SUGCT: variants seen among roughly 807,000 people sequenced by gnomAD.
SUGCT encodes the protein succinyl-CoA:glutarate-CoA transferase, also known as succinyl-CoA:glutarate CoA-transferase.
Under a neutral mutation model 55.0 loss-of-function variants are expected in SUGCT, and 41 were observed. The observed-to-expected ratio is 0.74, with a 90% CI of 0.58 to 0.97. SUGCT has a LOEUF of 0.97. Ranked by LOEUF, SUGCT falls within the 50% of genes least tolerant of loss-of-function variation. SUGCT has a pLI of 0.00. For missense variants in SUGCT, 568 were observed against 547.8 expected (o/e 1.04, Z -0.37); for synonymous variants, 187 against 200.4 (o/e 0.93, Z 0.56).
At chr7:40,793,815 A>G (rs1790429007) in intron 13 of SUGCT, among the ~76,000 whole-genome samples, 2 of 151,980 alleles carry the variant, frequency 1.3e-5, no homozygotes, top group African/African-American at 2.4e-5. Flanking sequence ...TTTAACTTTC[A>G]TATTTTTAAA....
At chr7:40,250,397 CTT>C (rs113538451) in intron 7 of SUGCT, among the ~76,000 whole-genome samples, 26 of 144,790 alleles carry the variant, frequency 1.8e-4, no homozygotes, top group Non-Finnish European at 6.1e-5. Context: ...AAGATCTTGT[CTT>C]TTTTTTTTTT....
chr7:40,900,910 A>C, the SUGCT span, among the ~76,000 whole-genome samples: 1 of 152,254 alleles, frequency 6.6e-6, no homozygotes, highest in African/African-American at 2.4e-5. Context: ...GTGCAATTCA[A>C]AATATAAGAT....
At chr7:40,608,134 G>T (rs773070747) in intron 12 of SUGCT, among the ~76,000 whole-genome samples, 1 of 152,140 alleles carries the variant, frequency 6.6e-6, no homozygotes, top group African/African-American at 2.4e-5. Flanking sequence ...ACAGCCTTTT[G>T]TTGGGATGTA....
intron 13 of SUGCT, among the ~76,000 whole-genome samples, chr7:40,765,743 C>A (rs1230984270): frequency 2.6e-5 from 4 of 152,120 alleles, no homozygotes; most frequent in African/African-American, 7.2e-5. Flanking sequence ...AACTGGAATT[C>A]ATGAGTTAAA....
In SUGCT at chr7:40,563,477, A is replaced by G. The variant is rs180895555; in HGVS notation, c.1089+67091A>G. On this transcript the variant is annotated intron_variant, in intron 12 of 13. Transcript: ENST00000335693. The stretch of plus-strand genomic sequence containing the variant: ...TCCCAGCACTTTGGGAGGCCAAGGC[A>G]GGAGGATTGCTTGAGCCCAGGAGTT... Among the ~76,000 whole-genome samples the G allele has an allele frequency of 1.0e-3, 154 of 152,078 alleles. 1 individual carries two copies. The highest frequency in any genetic ancestry group is 3.5e-3 in the African/African-American group (144 of 41,508).
the SUGCT span, among the ~76,000 whole-genome samples, chr7:40,956,574 C>T: frequency 6.6e-6 from 1 of 152,106 alleles, no homozygotes; most frequent in Non-Finnish European, 1.5e-5. Flanking sequence ...AAACGAGCTC[C>T]TGAATTCATT....
intron 9 of SUGCT, among the ~76,000 whole-genome samples, chr7:40,422,923 T>C (rs1379477700): frequency 2.0e-5 from 3 of 152,104 alleles, no homozygotes; most frequent in African/African-American, 7.2e-5. Context: ...ATAATACTTA[T>C]ATTATCTTTA....
intron 13 of SUGCT, among the ~76,000 whole-genome samples, chr7:40,804,935 C>T (rs114706114): frequency 2.1e-3 from 327 of 152,254 alleles, no homozygotes; most frequent in African/African-American, 7.5e-3. Context: ...AATATGGGAA[C>T]GTGCAAAACC....
chr7:40,883,444 G>T, the SUGCT span, among the ~76,000 whole-genome samples: 2 of 152,120 alleles, frequency 1.3e-5, no homozygotes, highest in African/African-American at 4.8e-5. Context: ...CATGGGCCTT[G>T]GAGTTTAACA....
At chr7:40,367,314 C>T (rs929491530) in intron 9 of SUGCT, among the ~76,000 whole-genome samples, 7 of 150,882 alleles carry the variant, frequency 4.6e-5, no homozygotes, top group South Asian at 2.1e-4. Context: ...ATACCTAATG[C>T]TAAATGACGA....
intron 13 of SUGCT, among the ~76,000 whole-genome samples, chr7:40,756,098 G>A (rs766260030): frequency 5.9e-5 from 9 of 151,914 alleles, no homozygotes; most frequent in Non-Finnish European, 1.2e-4. Context: ...TTTTATTATC[G>A]GACACATTAT....
In SUGCT at chr7:40,750,639, G is replaced by A. The variant is rs1022618059; in HGVS notation, c.1153+1142G>A. On this transcript the variant is annotated intron_variant, in intron 13 of 13. Transcript: ENST00000335693. Reference sequence around the variant, plus strand: ...ATAACCTACCAGATAGTGACCACTCGCGCATGAAAAGAGTAAGAAGAGGGA... The same window carrying A: ...ATAACCTACCAGATAGTGACCACTCACGCATGAAAAGAGTAAGAAGAGGGA... Among the ~76,000 whole-genome samples the A allele has an allele frequency of 3.3e-5, 5 of 152,044 alleles. No individual in the cohort carries two copies. In the South Asian group the frequency reaches 6.2e-4, roughly 19 times the overall value.
At chr7:40,721,400 T>C (rs1786330183) in intron 12 of SUGCT, among the ~76,000 whole-genome samples, 1 of 152,246 alleles carries the variant, frequency 6.6e-6, no homozygotes, top group South Asian at 2.1e-4. Context: ...GCCTTTTGAA[T>C]AGTTTGCTGT....
At chr7:40,916,251 C>T in the SUGCT span, among the ~76,000 whole-genome samples, 2 of 152,142 alleles carry the variant, frequency 1.3e-5, no homozygotes, top group African/African-American at 4.8e-5. Flanking sequence ...TCTACTTCTT[C>T]TCAGTCCACA....
intron 7 of SUGCT, among the ~76,000 whole-genome samples, chr7:40,252,136 A>C (rs1358269800): frequency 6.6e-6 from 1 of 152,140 alleles, no homozygotes; most frequent in East Asian, 1.9e-4. Context: ...CAAGATAAAA[A>C]AATCTTAAGA....
At chr7:41,004,589 C>T in the SUGCT span, among the ~76,000 whole-genome samples, 1 of 152,206 alleles carries the variant, frequency 6.6e-6, no homozygotes, top group Non-Finnish European at 1.5e-5. Context: ...CCACCAGGTT[C>T]AGAGAGGAAC....
At chr7:40,441,676 G>T (rs2151413016) in intron 9 of SUGCT, among the ~76,000 whole-genome samples, 1 of 152,274 alleles carries the variant, frequency 6.6e-6, no homozygotes, top group East Asian at 1.9e-4. Flanking sequence ...GAGCCAATTT[G>T]CTGAAACAGC....
chr7:40,197,105 G>T (rs1229730408), intron 6 of SUGCT, among the ~76,000 whole-genome samples: 1 of 152,092 alleles, frequency 6.6e-6, no homozygotes, highest in Admixed American at 6.6e-5. Flanking sequence ...AAAGTGTTGG[G>T]ATTACACGTG....
intron 13 of SUGCT, among the ~76,000 whole-genome samples, chr7:40,820,741 A>G (rs1372982481): frequency 6.6e-6 from 1 of 152,150 alleles, no homozygotes. Context: ...TCTTTTCCTA[A>G]CTGAATACCC....
Sources: allele counts gnomAD v4.1 joint callset (sites outside exome capture counted in the v4.1 genomes callset), GRCh38; gene constraint gnomAD v4.1.1; transcripts MANE v1.5; gene names NCBI Gene and HGNC (gene_info 2026-07-23, HGNC 2026-07-21).